The following CORO7 variants were observed in gnomAD, a reference collection of about 807,000 sequenced individuals.
The protein encoded by CORO7 is coronin 7.
Under a neutral mutation model 126.6 loss-of-function variants are expected in CORO7, and 107 were observed. The observed-to-expected ratio is 0.85, with a 90% CI of 0.72 to 0.99. The LOEUF (loss-of-function observed/expected upper bound fraction) is 0.99. CORO7 is among the 50% of genes least tolerant of loss of function. The pLI, the probability that CORO7 is intolerant of heterozygous loss-of-function variation, is 0.00. For synonymous variants in CORO7, 603 were observed against 536.8 expected, an observed-to-expected ratio of 1.12 and a Z score of -1.70; for missense variants, 1,314 against 1,255.8, an observed-to-expected ratio of 1.05 and a Z score of -0.70.
At chr16:4,380,039 C>T (rs1036039451) in intron 9 of CORO7, among the ~76,000 whole-genome samples, 1 of 145,414 alleles carries the variant, frequency 6.9e-6, no homozygotes, top group Non-Finnish European at 1.5e-5. Context: ...GCTTGGGTGA[C>T]AGAGCAAGAC....
At chr16:4,382,980 G>A (rs2055055224) in intron 9 of CORO7, 1 of 1,398,830 alleles carries the variant, frequency 7.1e-7, no homozygotes, top group Non-Finnish European at 9.5e-7. Flanking sequence ...CACCACGTAA[G>A]TTCTCAGTCC....
At chr16:4,357,593 T>A (rs1409886160) in intron 25 of CORO7, 2 of 336,188 alleles carry the variant, frequency 5.9e-6, no homozygotes, top group African/African-American at 4.3e-5. Flanking sequence ...CGACCTCAGG[T>A]GATCCACTCG....
intron 9 of CORO7, chr16:4,380,931 G>A (rs935887474): frequency 6.3e-7 from 1 of 1,588,422 alleles, no homozygotes; most frequent in African/African-American, 1.3e-5. Context: ...TGGCCCTGGG[G>A]CCTGGGGTGC....
chr16:4,359,036 C>T (rs540300296), intron 23 of CORO7: 8 of 531,090 alleles, frequency 1.5e-5, no homozygotes, highest in East Asian at 1.0e-4. Context: ...CTCAGCCTTC[C>T]GAAGTGTTGG....
chr16:4,379,545 C>T (rs981324303), intron 9 of CORO7, among the ~76,000 whole-genome samples: 2 of 152,132 alleles, frequency 1.3e-5, no homozygotes, highest in Admixed American at 6.5e-5. Context: ...GCAATGGCAG[C>T]GAGTCCCTGC....
At chr16:4,406,443 C>T (rs2141317111) in intron 5 of CORO7, among the ~76,000 whole-genome samples, 1 of 152,232 alleles carries the variant, frequency 6.6e-6, no homozygotes, top group Non-Finnish European at 1.5e-5. Context: ...CACAGACAGG[C>T]ACACGCCACC....
intron 7 of CORO7, among the ~76,000 whole-genome samples, chr16:4,391,632 G>C (rs1347288608): frequency 6.6e-6 from 1 of 152,266 alleles, no homozygotes; most frequent in Non-Finnish European, 1.5e-5. Flanking sequence ...CAGGGAGGCT[G>C]ACGCAGGAGG....
chr16:4,358,617 G>C (rs2054059798), intron 23 of CORO7, 134 bp from the exon 24 acceptor site: 3 of 726,178 alleles, frequency 4.1e-6, no homozygotes. Flanking sequence ...GTAACGTGTT[G>C]ATCATGTTGA....
chr16:4,378,985 C>T (rs2054855440), intron 9 of CORO7, among the ~76,000 whole-genome samples: 1 of 152,086 alleles, frequency 6.6e-6, no homozygotes, highest in African/African-American at 2.4e-5. Context: ...AGGGCTTCTT[C>T]CTTCACCTCG....
At chr16:4,400,399 C>T (rs1596329282) in intron 6 of CORO7, among the ~76,000 whole-genome samples, 1 of 151,918 alleles carries the variant, frequency 6.6e-6, no homozygotes, top group Non-Finnish European at 1.5e-5. Flanking sequence ...TTTGGGAGGC[C>T]GAGGTGGGTG....
rs751144868 is a variant in CORO7, at chr16:4,361,273, T to A, written c.1688-25A>T. 2.5e-6 allele frequency: 4 copies of A among 1,612,114 alleles called. No homozygotes were observed. The South Asian group carries it at 4.4e-5, about 18-fold the overall frequency. Reference sequence around the variant, plus strand: ...GCTGCAGAGGACAGACAGGGGCTCATCATTGCTGAGCCCAAGACCTCTGGG... The same window carrying A: ...GCTGCAGAGGACAGACAGGGGCTCAACATTGCTGAGCCCAAGACCTCTGGG... On this transcript the variant is annotated intron_variant, in intron 17 of 27. Transcript: ENST00000251166.
chr16:4,364,339 C>G lies in CORO7; in HGVS notation c.1212G>C (p.Glu404Asp). ...CAGGCTGGGCTGTGTCAGGGAGGGG[C>G]TCCGCAGGGGGCACCAGACAGGAAG... ...SFTSCLVPPAEPLPDTAQPAV... is the reference protein window; with the variant it reads ...SFTSCLVPPADPLPDTAQPAV... Residue 404 changes from glutamate to aspartate, a missense_variant, in exon 14 of 28, where the codon GAG becomes GAC. Transcript: ENST00000251166. 6.5e-7 allele frequency: 1 copy of G among 1,534,898 alleles called. No individual in the cohort carries two copies. The highest frequency in any genetic ancestry group is 1.3e-5 in the South Asian group (1 of 77,658).
chr16:4,376,563 T>G (rs7205650), intron 9 of CORO7, among the ~76,000 whole-genome samples: 114,973 of 152,100 alleles, frequency 0.76, 43,766 homozygotes, highest in East Asian at 0.8. Flanking sequence ...AGTGAGATGT[T>G]CTCGCCAGGG....
intron 6 of CORO7, among the ~76,000 whole-genome samples, chr16:4,403,804 C>T (rs1014523950): frequency 4.6e-5 from 7 of 152,194 alleles, no homozygotes; most frequent in African/African-American, 9.7e-5. Flanking sequence ...AAAGATGTCA[C>T]GGTCCCAAGG....
At chr16:4,361,124 C>T in intron 18 of CORO7, 38 bp downstream of exon 18, 4 of 1,613,314 alleles carry the variant, frequency 2.5e-6, no homozygotes, top group Non-Finnish European at 3.4e-6. Flanking sequence ...CCTTGGGAGA[C>T]ACTGGCCACC....
At chr16:4,394,706 C>T (rs1013880223) in intron 7 of CORO7, among the ~76,000 whole-genome samples, 3 of 152,346 alleles carry the variant, frequency 2.0e-5, no homozygotes, top group East Asian at 1.9e-4. Flanking sequence ...AGACACAGGG[C>T]CCTGTCCCAG....
chr16:4,370,434 G>T (rs1306781229), intron 9 of CORO7, among the ~76,000 whole-genome samples: 1 of 152,196 alleles, frequency 6.6e-6, no homozygotes, highest in Admixed American at 6.5e-5. Flanking sequence ...ATGCAAGCTG[G>T]GAAGCCCCAT....
chr16:4,391,393 C>A (rs1194117644), intron 7 of CORO7, among the ~76,000 whole-genome samples: 1 of 152,040 alleles, frequency 6.6e-6, no homozygotes, highest in East Asian at 1.9e-4. Context: ...CCATCTCTAC[C>A]AAAAATACAA....
In CORO7 at chr16:4,362,639, T is replaced by G. The variant is rs762377970; in HGVS notation, c.1375A>C (p.Ser459Arg). ...AGCAGGCTCTGCAGCGACCTCAAAC[T>G]GGGGCTGGTCCCGATGCCACTGGTG... is the stretch of plus-strand genomic sequence containing the variant. ...SSTSGIGTSP[S>R]LRSLQSLLGP... is the part of the protein sequence containing the mutation. The change falls in exon 15 of 28, where the codon AGT (serine) becomes CGT (arginine). Residue 459 changes from serine to arginine, a missense_variant. By Grantham distance (110) the Ser-to-Arg change is moderately radical. Transcript: ENST00000251166. This position sits in a 1 kb window ranked among gnomAD's most constrained non-coding sequence, Gnocchi z 5.3. The G allele has an allele frequency of 1.8e-5, 28 of 1,561,100 alleles. No homozygotes were observed. The African/African-American group carries it at 3.2e-4, about 18-fold the overall frequency.
Sources: allele counts gnomAD v4.1 joint callset (sites outside exome capture counted in the v4.1 genomes callset), GRCh38; gene constraint gnomAD v4.1.1; non-coding constraint Gnocchi (gnomAD v3.1); transcripts MANE v1.5; gene names NCBI Gene and HGNC (gene_info 2026-07-23, HGNC 2026-07-21).